CDKN2B-AS1: variants seen among roughly 807,000 people sequenced by gnomAD.
The protein encoded by CDKN2B-AS1 is CDKN2B antisense RNA 1 (non-protein coding).
intron 1 of CDKN2B-AS1, among the ~76,000 whole-genome samples, chr9:22,018,143 G>A (rs1038857975): frequency 6.6e-6 from 1 of 151,034 alleles, no homozygotes; most frequent in Admixed American, 6.6e-5. Flanking sequence ...GACCAACATG[G>A]TGAAACCATG....
At chr9:21,998,737 C>T (rs1344263345) in intron 1 of CDKN2B-AS1, among the ~76,000 whole-genome samples, 3 of 152,140 alleles carry the variant, frequency 2.0e-5, no homozygotes, top group Non-Finnish European at 2.9e-5. Flanking sequence ...GTCTTGTTCT[C>T]CTCCTCCCCA....
intron 1 of CDKN2B-AS1, among the ~76,000 whole-genome samples, chr9:22,021,756 C>G (rs978591139): frequency 2.6e-5 from 4 of 152,064 alleles, no homozygotes; most frequent in African/African-American, 9.7e-5. Context: ...GTTTGACTTC[C>G]TCTCTTCTTA....
chr9:22,017,159 G>T (rs1821803219), intron 1 of CDKN2B-AS1, among the ~76,000 whole-genome samples: 2 of 152,282 alleles, frequency 1.3e-5, no homozygotes, highest in South Asian at 4.1e-4. Context: ...AGGCGCAGTG[G>T]CTCACGCCTG....
At chr9:22,008,485 C>G (rs1821305071) in intron 1 of CDKN2B-AS1, among the ~76,000 whole-genome samples, 1 of 152,160 alleles carries the variant, frequency 6.6e-6, no homozygotes, top group African/African-American at 2.4e-5. Context: ...AGCAGACAGA[C>G]AAGATAATCT....
chr9:22,084,412 C>G (rs1420656132), intron 4 of CDKN2B-AS1, among the ~76,000 whole-genome samples: 1 of 152,164 alleles, frequency 6.6e-6, no homozygotes, highest in Non-Finnish European at 1.5e-5. Context: ...TTGAATTTCT[C>G]TTGAGAAATT....
chr9:22,059,034 T>A (rs1360841940), intron 4 of CDKN2B-AS1: 1 of 152,594 alleles, frequency 6.6e-6, no homozygotes, highest in Non-Finnish European at 1.5e-5. Context: ...CATGTGGGAA[T>A]TCTGGGAGAA....
At chr9:22,092,098 G>A (rs7869527) in intron 4 of CDKN2B-AS1, among the ~76,000 whole-genome samples, 13,825 of 152,094 alleles carry the variant, frequency 0.091, 1,451 homozygotes, top group African/African-American at 0.25. Context: ...TTTTGTCGTT[G>A]GTTCTGTTTA....
chr9:22,055,802 T>C (rs748973422), intron 3 of CDKN2B-AS1, among the ~76,000 whole-genome samples: 2 of 152,138 alleles, frequency 1.3e-5, no homozygotes, highest in East Asian at 1.9e-4. Context: ...AAAATTTTTA[T>C]TGAGGACCTA....
At chr9:22,053,771 A>G (rs1823447936) in intron 3 of CDKN2B-AS1, among the ~76,000 whole-genome samples, 1 of 152,204 alleles carries the variant, frequency 6.6e-6, no homozygotes, top group Non-Finnish European at 1.5e-5. Flanking sequence ...ATAGCAACAT[A>G]TATTTGTTTT....
chr9:22,028,005 A>G (rs1320222848), intron 1 of CDKN2B-AS1, among the ~76,000 whole-genome samples: 2 of 152,160 alleles, frequency 1.3e-5, no homozygotes, highest in Non-Finnish European at 2.9e-5. Context: ...ATCTTCATCA[A>G]TATCTTCATT....
intron 1 of CDKN2B-AS1, chr9:22,003,656 A>G (rs1422056160): frequency 1.7e-5 from 4 of 230,512 alleles, no homozygotes; most frequent in Admixed American, 5.6e-5. Flanking sequence ...TGCTTAAGTG[A>G]TAACTAGAAA....
At chr9:22,106,805 A>C (rs755901710) in intron 4 of CDKN2B-AS1, among the ~76,000 whole-genome samples, 5 of 152,340 alleles carry the variant, frequency 3.3e-5, no homozygotes, top group African/African-American at 2.4e-5. Context: ...TGAAAACTAA[A>C]TACAGTGCTA....
intron 1 of CDKN2B-AS1, among the ~76,000 whole-genome samples, chr9:22,019,577 G>A (rs553493414): frequency 1.3e-5 from 2 of 152,270 alleles, no homozygotes; most frequent in African/African-American, 4.8e-5. Context: ...AAGATTATGA[G>A]TTCAGGTTCA....
chr9:22,037,389 A>G (rs113160069), intron 1 of CDKN2B-AS1, among the ~76,000 whole-genome samples: 2 of 151,462 alleles, frequency 1.3e-5, no homozygotes, highest in African/African-American at 4.8e-5. Flanking sequence ...GTGCTGGGTG[A>G]CTCTCTCCTG....
chr9:22,037,858 G>T (rs983455187), intron 1 of CDKN2B-AS1, among the ~76,000 whole-genome samples: 5 of 151,998 alleles, frequency 3.3e-5, no homozygotes, highest in African/African-American at 1.2e-4. Context: ...TATGGTCACA[G>T]TGAATCTGGA....
intron 1 of CDKN2B-AS1, chr9:22,012,195 C>A: frequency 1.4e-6 from 2 of 1,395,826 alleles, no homozygotes; most frequent in Non-Finnish European, 2.0e-6. Flanking sequence ...AAGACCATCA[C>A]CCTTGAGGTC....
chr9:22,002,719 T>A (rs140063965), intron 1 of CDKN2B-AS1, among the ~76,000 whole-genome samples: 40 of 151,124 alleles, frequency 2.6e-4, no homozygotes, highest in African/African-American at 9.4e-4. Context: ...CCAGAGGCGT[T>A]TGGGGTTTTA....
intron 4 of CDKN2B-AS1, among the ~76,000 whole-genome samples, chr9:22,060,084 C>G (rs559548671): frequency 3.8e-4 from 58 of 152,286 alleles, no homozygotes; most frequent in African/African-American, 1.4e-3. Context: ...GAGACATTTT[C>G]CCCATGGTCT....
intron 1 of CDKN2B-AS1, among the ~76,000 whole-genome samples, chr9:22,026,603 A>G (rs1164579603): frequency 6.6e-6 from 1 of 152,152 alleles, no homozygotes; most frequent in East Asian, 1.9e-4. Context: ...GCGCTGTGGA[A>G]GTGGGGCCTG....
Sources: allele counts gnomAD v4.1 joint callset (sites outside exome capture counted in the v4.1 genomes callset), GRCh38; gene constraint gnomAD v4.1.1; transcripts MANE v1.5; gene names NCBI Gene and HGNC (gene_info 2026-07-23, HGNC 2026-07-21).